Variants in DHRS7 observed in about 807,000 individuals in gnomAD.
DHRS7 encodes the protein dehydrogenase/reductase 7.
DHRS7 carries 34 observed loss-of-function variants against 38.9 expected under a neutral mutation model. That is an observed-to-expected ratio of 0.87 (90% CI 0.66 to 1.16). The LOEUF is 1.16. DHRS7 is among the 50% of genes most tolerant of loss of function. The pLI is 0.00. For synonymous variants in DHRS7, 158 were observed against 153.1 expected, an observed-to-expected ratio of 1.03 and a Z score of -0.24; for missense variants, 421 against 407.0, an observed-to-expected ratio of 1.03 and a Z score of -0.30.
intron 2 of DHRS7, 113 bp from the exon 3 acceptor site, chr14:60,154,178 G>C: frequency 1.3e-6 from 1 of 748,058 alleles, no homozygotes; most frequent in Non-Finnish European, 2.2e-6. Flanking sequence ...TCATTTCTGG[G>C]TGGCCCTGTG....
At chr14:60,157,794 G>A (rs1896687704) in intron 1 of DHRS7, among the ~76,000 whole-genome samples, 1 of 152,080 alleles carries the variant, frequency 6.6e-6, no homozygotes, top group African/African-American at 2.4e-5. Context: ...CGGGATATAA[G>A]CCCAGGTATA....
At chr14:60,168,875 T>C, upstream of DHRS7, 1 of 1,164,620 alleles carries the variant, frequency 8.6e-7, no homozygotes, top group Non-Finnish European at 1.2e-6. Context: ...ACTTGACATA[T>C]TAGAACACTT....
rs1477158826 is a variant in DHRS7, at chr14:60,148,462, A to G, written c.972+891T>C. ...AAATTAAATTCTTTTGAGGGTCACA[A>G]TTTCTCAGAAATGGTTAATAGTATT... On this transcript the variant is annotated intron_variant, in intron 6 of 6. Transcript: ENST00000557185. The surrounding 1 kb of genome is among the most constrained non-coding windows in gnomAD (Gnocchi z 4.8). Among the ~76,000 whole-genome samples, 2 of 152,178 alleles carry G rather than the reference A, an allele frequency of 1.3e-5. No homozygotes were observed. Among genetic ancestry groups the G allele is most frequent in the Admixed American group, 6.6e-5 (1 of 15,266 alleles).
upstream of DHRS7, chr14:60,169,879 G>A (rs1896911282): frequency 6.6e-6 from 1 of 152,284 alleles, no homozygotes. Context: ...TGGGGCATGA[G>A]AGCAGTGAGG....
chr14:60,165,544 C>T (rs994385691), upstream of DHRS7: 65 of 1,266,074 alleles, frequency 5.1e-5, no homozygotes, highest in Non-Finnish European at 5.9e-5. The surrounding 1 kb of genome is among the most constrained non-coding windows in gnomAD (Gnocchi z 4.6). Context: ...CCGGCGGGGC[C>T]GGCAGATTGC....
upstream of DHRS7, among the ~76,000 whole-genome samples, chr14:60,168,411 T>C (rs142055171): frequency 2.0e-3 from 305 of 152,338 alleles, 1 homozygote; most frequent in African/African-American, 7.0e-3. Context: ...CATGAGTACA[T>C]GCAAAGCTGG....
chr14:60,158,569 C>T (rs929324747), intron 1 of DHRS7, among the ~76,000 whole-genome samples: 9 of 152,174 alleles, frequency 5.9e-5, no homozygotes, highest in African/African-American at 1.7e-4. Flanking sequence ...ATGGTGTAAA[C>T]TTTTAATACA....
upstream of DHRS7, chr14:60,168,661 C>T: frequency 6.5e-7 from 1 of 1,528,138 alleles, no homozygotes; most frequent in South Asian, 1.3e-5. Flanking sequence ...AATGCTTTTT[C>T]CTCTCCTTCT....
upstream of DHRS7, chr14:60,166,337 G>A: frequency 1.1e-6 from 1 of 936,782 alleles, no homozygotes; most frequent in South Asian, 4.9e-5. Flanking sequence ...AACGACCTGT[G>A]GCCAAATGGA....
intron 4 of DHRS7, among the ~76,000 whole-genome samples, chr14:60,152,228 T>C (rs1896560521): frequency 6.6e-6 from 1 of 152,252 alleles, no homozygotes; most frequent in Admixed American, 6.5e-5. Flanking sequence ...TCTTTTCCTA[T>C]TGGCCTTATA....
chr14:60,157,165 G>A (rs1448538826), intron 1 of DHRS7, among the ~76,000 whole-genome samples: 1 of 152,198 alleles, frequency 6.6e-6, no homozygotes, highest in Non-Finnish European at 1.5e-5. Context: ...TAACTGTGAT[G>A]TTAACAGTAC....
chr14:60,155,860 A>T, intron 2 of DHRS7, 140 bp downstream of exon 2: 1 of 861,728 alleles, frequency 1.2e-6, no homozygotes, highest in Non-Finnish European at 1.6e-6. Context: ...TAAGGCAAAA[A>T]GGAGAGGAAC....
chr14:60,154,445 T>C (rs1034275526), intron 2 of DHRS7, among the ~76,000 whole-genome samples: 5 of 152,070 alleles, frequency 3.3e-5, no homozygotes, highest in African/African-American at 9.7e-5. Flanking sequence ...AACAACTACT[T>C]GTGCTTAAAA....
chr14:60,147,523 A>G (rs1896439104), intron 6 of DHRS7: 1 of 152,202 alleles, frequency 6.6e-6, no homozygotes, highest in African/African-American at 2.4e-5. Flanking sequence ...AATTATAAAG[A>G]AAATCTTTGA....
chr14:60,168,091 G>C (rs566213499), upstream of DHRS7, among the ~76,000 whole-genome samples: 1 of 152,074 alleles, frequency 6.6e-6, no homozygotes, highest in African/African-American at 2.4e-5. Context: ...AGGCAGACAA[G>C]GTCTTACCTA....
intron 6 of DHRS7, 114 bp downstream of exon 6, chr14:60,149,239 G>A (rs1174495623): frequency 1.0e-5 from 10 of 966,916 alleles, no homozygotes; most frequent in Middle Eastern, 2.1e-4. Context: ...AAAGTGCTGG[G>A]ATTACAGACA....
chr14:60,152,920 TGA>T lies in DHRS7; in HGVS notation c.633+17_633+18del, dbSNP rs1300061424. On this transcript the variant is annotated intron_variant, in intron 4 of 6. Coordinates refer to ENST00000557185, the MANE Select transcript of DHRS7 (RefSeq NM_016029.4). ...ACATTTAAGTCAGTTCTATCAGAGT[TGA>T]GTTTGAGCAGCCTTACCCGGAGAGC... 26 of 1,613,682 alleles carry T rather than the reference TGA, an allele frequency of 1.6e-5. No homozygotes were observed. Among genetic ancestry groups the T allele is most frequent in the Non-Finnish European group, 1.9e-5 (23 of 1,179,714 alleles).
At position 60,165,388 on chromosome 14, in the gene DHRS7, G is replaced by A; in HGVS notation, c.-79C>T. 6.6e-7 allele frequency: 1 copy of A among 1,507,460 alleles called. No homozygotes were observed. The highest frequency in any genetic ancestry group is 8.8e-7 in the Non-Finnish European group (1 of 1,131,620). 93.4% of individuals were successfully genotyped at this position (1,507,460 alleles called of 1,614,324 possible). The stretch of plus-strand genomic sequence containing the variant: ...CGTCGCTGCCCTGCGGGATCGCAGC[G>A]CCACCCCTTCGGCCAGCCCAGAGCC... On this transcript the variant is annotated 5_prime_UTR_variant, in exon 1 of 7. Transcript: ENST00000557185. The surrounding 1 kb of genome is among the most constrained non-coding windows in gnomAD (Gnocchi z 4.6).
In DHRS7 at chr14:60,148,755, T is replaced by C. The variant is rs939780563; in HGVS notation, c.972+598A>G. Among the ~76,000 whole-genome samples, 52 of 150,922 alleles carry C rather than the reference T, an allele frequency of 3.4e-4. 1 individual carries two copies. The highest frequency in any genetic ancestry group is 2.6e-3 in the Admixed American group (40 of 15,142). Reference sequence around the variant, plus strand: ...TTGAGACTGGTAGGATGGGTAGGAGTTGGTGGGGAGAAACAGTAGGGAAAG... The same window carrying C: ...TTGAGACTGGTAGGATGGGTAGGAGCTGGTGGGGAGAAACAGTAGGGAAAG... On this transcript the variant is annotated intron_variant, in intron 6 of 6. Coordinates refer to ENST00000557185, the MANE Select transcript of DHRS7 (RefSeq NM_016029.4). The surrounding 1 kb of genome is among the most constrained non-coding windows in gnomAD (Gnocchi z 4.8).
Sources: allele counts gnomAD v4.1 joint callset (sites outside exome capture counted in the v4.1 genomes callset), GRCh38; gene constraint gnomAD v4.1.1; non-coding constraint Gnocchi (gnomAD v3.1); transcripts MANE v1.5; gene names NCBI Gene and HGNC (gene_info 2026-07-23, HGNC 2026-07-21).